The following C8orf33 variants were observed in gnomAD, a reference collection of about 807,000 sequenced individuals.
C8orf33 encodes UPF0488 protein C8orf33.
A neutral mutation model predicts 25.7 loss-of-function variants in C8orf33; 28 were observed. The ratio of observed to expected loss-of-function variants is 1.09; its 90% CI spans 0.81 to 1.49. The LOEUF is 1.49. Ranked by LOEUF, C8orf33 falls within the 40% of genes most tolerant of loss-of-function variation. The pLI is 0.00. For missense variants in C8orf33, 369 were observed against 294.4 expected (o/e 1.25, Z -1.85); for synonymous variants, 153 against 115.9 (o/e 1.32, Z -2.06).
rs145211011 is a variant in C8orf33, at chr8:145,053,301, G to A, written c.408G>A (p.Glu136=). The change falls in exon 4 of 5, where the codon GAG becomes GAA. Residue 136 remains glutamate (E), a synonymous_variant. Transcript: ENST00000331434. ...KRQKPTPKQK[E]QAIGAIRTLR... ...GTCCTTTATTTTTATTCGCAGAAGA[G>A]CAGGCTATTGGAGCAATCCGAACCC... The A allele has an allele frequency of 1.2e-6, 2 of 1,614,138 alleles. No homozygotes were observed. The highest frequency in any genetic ancestry group is 2.7e-5 in the African/African-American group (2 of 75,044).
At chr8:145,053,520 C>A in intron 4 of C8orf33, 77 bp downstream of exon 4, 3 of 1,469,652 alleles carry the variant, frequency 2.0e-6, no homozygotes, top group Non-Finnish European at 2.8e-6. Flanking sequence ...AGGAAGAAGG[C>A]CCAGAGCAAC....
At position 145,054,146 on chromosome 8, in the gene C8orf33, A is replaced by G; in HGVS notation, c.679A>G (p.Asn227Asp). Residue 227 changes from asparagine (N) to aspartate (D), a missense_variant, in exon 5 of 5, where the codon AAT becomes GAT. By Grantham distance (23) the Asn-to-Asp change is conservative. Coordinates refer to ENST00000331434, the MANE Select transcript of C8orf33 (RefSeq NM_023080.3). The part of the protein sequence containing the change: ...LDMPDEEFRF[N>D]FF The stretch of plus-strand genomic sequence containing the variant: ...CATGCCTGATGAAGAGTTTAGGTTC[A>G]ATTTCTTTTAGCGTCTCCCCGAACC... 6.2e-7 allele frequency: 1 copy of G among 1,613,990 alleles called. No homozygotes were observed. Among genetic ancestry groups the G allele is most frequent in the East Asian group, 2.2e-5 (1 of 44,860 alleles).
Position 145,053,143 on chromosome 8 carries a change from CAG to C in C8orf33, c.403_403+1del. 6.2e-7 allele frequency: 1 copy of C among 1,614,210 alleles called. No individual in the cohort carries two copies. Among genetic ancestry groups the C allele is most frequent in the Non-Finnish European group, 8.5e-7 (1 of 1,180,036 alleles). ...CAAGAGGCAGAAACCCACCCCGAAA[CAG>C]AGTAAGGGACCCTTCTGTAGAGCTG... ...GLKRQKPTPK[Q>X]KEQAIGAIRT... is the part of the protein sequence containing the mutation. On this transcript the variant is annotated frameshift_variant and splice_region_variant, in exon 3 of 5. Transcript: ENST00000331434. LOFTEE classifies it high-confidence loss of function.
In C8orf33 at chr8:145,052,864, C is replaced by T. The variant is rs781317146; in HGVS notation, c.285C>T (p.Ala95=). 1.2e-6 allele frequency: 2 copies of T among 1,613,480 alleles called. No individual in the cohort carries two copies. The highest frequency in any genetic ancestry group is 1.1e-5 in the South Asian group (1 of 91,064). Residue 95 remains alanine, a synonymous_variant, in exon 2 of 5, where the codon GCC becomes GCT. Transcript: ENST00000331434. Reference sequence around the variant, plus strand: ...GCGAGAAGGCCTCAGAGAAACTCGCCCCAGAAGAAGTTCCCCTAAGCGCTG... The same window carrying T: ...GCGAGAAGGCCTCAGAGAAACTCGCTCCAGAAGAAGTTCCCCTAAGCGCTG... ...NGGEKASEKL[A]PEEVPLSAEA...
chr8:145,053,638 G>C, intron 4 of C8orf33, 195 bp downstream of exon 4: 1 of 624,578 alleles, frequency 1.6e-6, no homozygotes, highest in Non-Finnish European at 2.8e-6. Flanking sequence ...GGAAGCAGCG[G>C]GGAGGCCCTG....
Position 145,052,482 on chromosome 8 carries a change from A to C in C8orf33, c.-10A>C. On this transcript the variant is annotated 5_prime_UTR_variant, in exon 1 of 5. Transcript: ENST00000331434. Reference sequence around the variant, plus strand: ...TGCGCCCCGCGTAGTTCCGGTGGCGACTGCGGCGCATGGCGGTGAGCGGTG... The same window carrying C: ...TGCGCCCCGCGTAGTTCCGGTGGCGCCTGCGGCGCATGGCGGTGAGCGGTG... 1 of 1,598,120 alleles carries C rather than the reference A, an allele frequency of 6.3e-7. No individual in the cohort carries two copies. Among genetic ancestry groups the C allele is most frequent in the Non-Finnish European group, 8.5e-7 (1 of 1,179,214 alleles).
In C8orf33 at chr8:145,055,886, CTAT is replaced by C. The variant is rs2129703382; in HGVS notation, c.*1734_*1736del. 1.2e-5 allele frequency: 2 copies of C among 169,312 alleles called. No homozygotes were observed. Among genetic ancestry groups the C allele is most frequent in the African/African-American group, 4.8e-5 (2 of 41,778 alleles). The allele number at this position is 169,312 out of a possible 1,614,324, so 10.5% of individuals were successfully genotyped here. A position where few individuals can be genotyped will look rare whatever the true frequency, so the allele number is the denominator to read the frequency against. ...GGACACATGACCCATGTGACCTTAC[CTAT>C]TATTGGAGATGGTTCACATTCCTTA... is the stretch of plus-strand genomic sequence containing the variant. On this transcript the variant is annotated 3_prime_UTR_variant, in exon 5 of 5. Coordinates refer to ENST00000331434, the MANE Select transcript of C8orf33 (RefSeq NM_023080.3).
rs1835290925 is a variant in C8orf33 at position 145,052,628 on chromosome 8, C to T, written c.49C>T (p.Pro17Ser). 6.2e-7 allele frequency: 1 copy of T among 1,611,046 alleles called. No individual in the cohort carries two copies. Among genetic ancestry groups the T allele is most frequent in the Non-Finnish European group, 8.5e-7 (1 of 1,179,892 alleles). Residue 17 changes from proline to serine, a missense_variant, in exon 2 of 5, where the codon CCG (proline) becomes TCG (serine). Physicochemically the swap from Pro to Ser is moderately conservative, Grantham distance 74 (BLOSUM62 -1). Coordinates refer to ENST00000331434, the MANE Select transcript of C8orf33 (RefSeq NM_023080.3). ...TGGGGAGGCAGCGGCGGCCCCAGGC[C>T]CGGGTACTCCCTGCGCGTCCCGCGG... ...LAGEAAAAPG[P>S]GTPCASRGAR...
At position 145,052,597 on chromosome 8, in the gene C8orf33, T is replaced by G. The variant is rs768598047; in HGVS notation, c.18T>G (p.His6Gln). 1.9e-6 allele frequency: 3 copies of G among 1,606,644 alleles called. No homozygotes were observed. Among genetic ancestry groups the G allele is most frequent in the Non-Finnish European group, 2.5e-6 (3 of 1,179,572 alleles). Residue 6 changes from histidine to glutamine, a missense_variant, in exon 2 of 5, where the codon CAT becomes CAG. Transcript: ENST00000331434. ...CCCCCTTTCTCCAGGCCCTGGGACA[T>G]CTTGCTGGGGAGGCAGCGGCGGCCC... MAALG[H>Q]LAGEAAAAPG...
chr8:145,053,529 A>T, intron 4 of C8orf33, 86 bp downstream of exon 4: 1 of 1,404,798 alleles, frequency 7.1e-7, no homozygotes, highest in Non-Finnish European at 9.8e-7. Context: ...GCCCAGAGCA[A>T]CAAGCCTGGT....
At position 145,054,204 on chromosome 8, in the gene C8orf33, G is replaced by A. The variant is rs368448829; in HGVS notation, c.*47G>A. ...ATCCCCCTCCCTTGGGGTGGTGTAG[G>A]GGTTTGTTTTGAGTGCAGAGCCTTT... is the stretch of plus-strand genomic sequence containing the variant. On this transcript the variant is annotated 3_prime_UTR_variant, in exon 5 of 5. Coordinates refer to ENST00000331434, the MANE Select transcript of C8orf33 (RefSeq NM_023080.3). 131 of 1,599,808 alleles carry A rather than the reference G, an allele frequency of 8.2e-5. No homozygotes were observed. Among genetic ancestry groups the A allele is most frequent in the Admixed American group, 1.6e-4 (9 of 57,918 alleles).
At chr8:145,053,655 G>A in intron 4 of C8orf33, 1 of 610,892 alleles carries the variant, frequency 1.6e-6, no homozygotes, top group African/African-American at 1.8e-5. Flanking sequence ...CCTGGGAGGA[G>A]TGGGAAAGAG....
In C8orf33 at chr8:145,052,708, C is replaced by G. The variant is rs763666932; in HGVS notation, c.129C>G (p.Leu43=). The G allele has an allele frequency of 1.2e-6, 2 of 1,614,202 alleles. No individual in the cohort carries two copies. Among genetic ancestry groups the G allele is most frequent in the South Asian group, 1.1e-5 (1 of 91,090 alleles). ...SSARNPSTVC[L]CPEQPTCSNA... ...CCCGGAATCCTTCCACTGTCTGTCTCTGCCCAGAGCAACCTACGTGCAGTA... is the reference window on the plus strand; with the variant it reads ...CCCGGAATCCTTCCACTGTCTGTCTGTGCCCAGAGCAACCTACGTGCAGTA... The change falls in exon 2 of 5, where the codon CTC becomes CTG. Residue 43 remains leucine, a synonymous_variant. Coordinates refer to ENST00000331434, the MANE Select transcript of C8orf33 (RefSeq NM_023080.3).
At chr8:145,053,635 G>A (rs77005838) in intron 4 of C8orf33, 192 bp downstream of exon 4, 18,856 of 642,264 alleles carry the variant, frequency 0.029, 306 homozygotes, top group Middle Eastern at 0.038. Flanking sequence ...CTGGGAAGCA[G>A]CGGGGAGGCC....
rs747265193 is a variant in C8orf33 at position 145,052,762 on chromosome 8, C to T, written c.183C>T (p.Gly61=). ...CTGACTCCAGAGCGCACCCGTTGGG[C>T]GATGAAGGCGGCACAGCGTCGAAAA... is the stretch of plus-strand genomic sequence containing the variant. ...SNADSRAHPL[G]DEGGTASKKQ... Residue 61 remains glycine (G), a synonymous_variant, in exon 2 of 5, where the codon GGC becomes GGT. Coordinates refer to ENST00000331434, the MANE Select transcript of C8orf33 (RefSeq NM_023080.3). The T allele has an allele frequency of 1.8e-5, 29 of 1,613,956 alleles. No individual in the cohort carries two copies. In the South Asian group the frequency reaches 2.7e-4, roughly 15 times the overall value.
At chr8:145,053,596 A>T (rs1835312753) in intron 4 of C8orf33, 153 bp downstream of exon 4, 1 of 745,392 alleles carries the variant, frequency 1.3e-6, no homozygotes, top group Non-Finnish European at 2.1e-6. Flanking sequence ...GAAAGCGTGG[A>T]CCTCTCTTTC....
chr8:145,053,999 C>A lies in C8orf33; in HGVS notation c.551-19C>A. On this transcript the variant is annotated intron_variant, in intron 4 of 4. Coordinates refer to ENST00000331434, the MANE Select transcript of C8orf33 (RefSeq NM_023080.3). ...TGTTATTATTCAGTTCTGACATACG[C>A]TGCTTCTCTCCCCGACAGCTGCTTA... is the stretch of plus-strand genomic sequence containing the variant. 1 of 1,612,476 alleles carries A rather than the reference C, an allele frequency of 6.2e-7. No homozygotes were observed. Among genetic ancestry groups the A allele is most frequent in the Non-Finnish European group, 8.5e-7 (1 of 1,179,802 alleles).
rs1251040576 is a variant in C8orf33 at position 145,054,017 on chromosome 8, G to A, written c.551-1G>A. The A allele has an allele frequency of 1.2e-6, 2 of 1,613,688 alleles. No individual in the cohort carries two copies. Among genetic ancestry groups the A allele is most frequent in the Non-Finnish European group, 1.7e-6 (2 of 1,179,974 alleles). On this transcript the variant is annotated splice_acceptor_variant, in intron 4 of 4. Coordinates refer to ENST00000331434, the MANE Select transcript of C8orf33 (RefSeq NM_023080.3). LOFTEE classifies it high-confidence loss of function. ...ACATACGCTGCTTCTCTCCCCGACA[G>A]CTGCTTATTCAGCCCAGGTGCAACC...
intron 2 of C8orf33, 75 bp from the exon 3 acceptor site, chr8:145,052,987 G>T (rs1166318053): frequency 1.2e-6 from 2 of 1,607,722 alleles, no homozygotes; most frequent in Non-Finnish European, 8.5e-7. Flanking sequence ...TTAAGGCGGG[G>T]AGGGGCATGG....
Sources: allele counts gnomAD v4.1 joint callset, GRCh38; gene constraint gnomAD v4.1.1; transcripts MANE v1.5; gene names NCBI Gene and HGNC (gene_info 2026-07-23, HGNC 2026-07-21).